Variants in WDTC1 observed in about 807,000 individuals in gnomAD.
WDTC1 encodes the protein WD and tetratricopeptide repeats protein 1.
Under a neutral mutation model 76.0 loss-of-function variants are expected in WDTC1, and 12 were observed. The ratio of observed to expected loss-of-function variants is 0.16; its 90% CI spans 0.10 to 0.26. The LOEUF (loss-of-function observed/expected upper bound fraction) is 0.26, where lower values mean the gene tolerates loss of function less well. WDTC1 is among the 10% of genes least tolerant of loss of function. The pLI, the probability that WDTC1 is intolerant of heterozygous loss-of-function variation, is 1.00. For missense variants in WDTC1, 511 were observed against 908.8 expected (o/e 0.56, Z 5.63); for synonymous variants, 326 against 350.8 (o/e 0.93, Z 0.79).
At chr1:27,246,568 CTT>C (rs200841889) in intron 1 of WDTC1, among the ~76,000 whole-genome samples, 9 of 144,254 alleles carry the variant, frequency 6.2e-5, no homozygotes, top group Non-Finnish European at 7.6e-5. Flanking sequence ...GTTTTCTTTC[CTT>C]TTTTTTTTTT....
chr1:27,247,801 C>T (rs1251907134), intron 1 of WDTC1, among the ~76,000 whole-genome samples: 1 of 151,536 alleles, frequency 6.6e-6, no homozygotes, highest in Non-Finnish European at 1.5e-5. Context: ...TCACTACAAC[C>T]TCTGCCTCCC....
intron 1 of WDTC1, among the ~76,000 whole-genome samples, chr1:27,254,136 GA>G (rs2012194202): frequency 6.6e-6 from 1 of 152,100 alleles, no homozygotes; most frequent in African/African-American, 2.4e-5. Context: ...AAAACAAAAT[GA>G]TTTTTTAAAA....
Position 27,303,921 on chromosome 1 carries a change from A to G in WDTC1, c.1643+126A>G. The G allele has an allele frequency of 2.3e-6, 3 of 1,310,452 alleles. No homozygotes were observed. The highest frequency in any genetic ancestry group is 3.2e-6 in the Non-Finnish European group (3 of 950,084). The allele number at this position is 1,310,452 out of a possible 1,614,324, so 81.2% of individuals were successfully genotyped here. ...GCTCTGCCTCTGTACCCTTGGGCAA[A>G]TGGCTTCACCTTTGTCAGCCTCTAA... On this transcript the variant is annotated intron_variant, in intron 14 of 15. Coordinates refer to ENST00000319394, the MANE Select transcript of WDTC1 (RefSeq NM_001276252.2). The surrounding 1 kb of genome is among the most constrained non-coding windows in gnomAD (Gnocchi z 4.8).
At chr1:27,253,448 C>CCTTCCTCTTCT (rs1392729718) in intron 1 of WDTC1, among the ~76,000 whole-genome samples, 1 of 122,198 alleles carries the variant, frequency 8.2e-6, no homozygotes, top group East Asian at 2.6e-4. Context: ...CCTTCCTCCT[C>CCTTCCTCTTCT]CTTCCTCTTC....
At chr1:27,296,511 T>C (rs1262652233) in intron 10 of WDTC1, 110 bp downstream of exon 10, 3 of 1,178,960 alleles carry the variant, frequency 2.5e-6, no homozygotes, top group Non-Finnish European at 2.5e-6. Flanking sequence ...CCTCCAAAAA[T>C]AGCAGATCTC....
At chr1:27,289,581 A>T (rs1313525029) in intron 6 of WDTC1, among the ~76,000 whole-genome samples, 1 of 151,716 alleles carries the variant, frequency 6.6e-6, no homozygotes, top group African/African-American at 2.4e-5. Context: ...CCCAGACGGG[A>T]TGGCGGCCAG....
intron 1 of WDTC1, among the ~76,000 whole-genome samples, chr1:27,253,007 ATTTTTTTTT>A (rs34743468): frequency 9.4e-6 from 1 of 106,444 alleles, no homozygotes; most frequent in Non-Finnish European, 2.0e-5. Context: ...GTTCTTTCTG[ATTTTTTTTT>A]TTTTTTTTTT....
chr1:27,254,662 T>C (rs1389819134), intron 1 of WDTC1, among the ~76,000 whole-genome samples: 1 of 152,052 alleles, frequency 6.6e-6, no homozygotes, highest in African/African-American at 2.4e-5. Flanking sequence ...AGACGGAGTT[T>C]CGCTCTGTCA....
rs1264498234 is a variant in WDTC1, at chr1:27,274,955, G to A, written c.133-7284G>A. On this transcript the variant is annotated intron_variant, in intron 3 of 15. Transcript: ENST00000319394. The surrounding 1 kb of genome is among the most constrained non-coding windows in gnomAD (Gnocchi z 4.2). ...GTAAAACTCAGCATTTCTAAGGTCA[G>A]ATAAGTGGTAGAAATAAGATTTAAA... 6.6e-6 allele frequency among the ~76,000 whole-genome samples: 1 copy of A among 152,184 alleles called. No homozygotes were observed. Among genetic ancestry groups the A allele is most frequent in the African/African-American group, 2.4e-5 (1 of 41,434 alleles).
intron 5 of WDTC1, among the ~76,000 whole-genome samples, chr1:27,286,233 C>T (rs927936879): frequency 1.3e-5 from 2 of 151,450 alleles, no homozygotes; most frequent in Non-Finnish European, 2.9e-5. Flanking sequence ...AAACTCCTGA[C>T]CTCAGGTAAT....
At chr1:27,249,266 C>CAA (rs71010343) in intron 1 of WDTC1, among the ~76,000 whole-genome samples, 377 of 140,122 alleles carry the variant, frequency 2.7e-3, no homozygotes, top group South Asian at 6.3e-3. Context: ...GAGACTGTCT[C>CAA]AAAAAAAAAA....
Position 27,242,470 on chromosome 1 carries a change from C to CT in WDTC1, c.-100+7529dup, listed in dbSNP as rs1207764622. ...TGGGGAACAGAGCTAGACCCTGTCT[C>CT]TTTTTTTTTTGAGACGGAGACGGAG... is the stretch of plus-strand genomic sequence containing the variant. On this transcript the variant is annotated intron_variant, in intron 1 of 15. Transcript: ENST00000319394. 1.5e-3 allele frequency among the ~76,000 whole-genome samples: 217 copies of CT among 148,842 alleles called. 1 individual carries two copies. The highest frequency in any genetic ancestry group is 2.8e-3 in the Admixed American group (41 of 14,898).
intron 1 of WDTC1, among the ~76,000 whole-genome samples, chr1:27,235,217 G>T (rs2011469034): frequency 1.3e-5 from 2 of 152,302 alleles, no homozygotes; most frequent in East Asian, 3.9e-4. Context: ...AGGCTCTGCG[G>T]AGGGAGAGGT....
At position 27,294,619 on chromosome 1, in the gene WDTC1, G is replaced by T. The variant is rs773396139; in HGVS notation, c.863G>T (p.Gly288Val). The part of the protein sequence containing the change: ...PNGTELLVNM[G>V]GEQVYLFDLT... ...GGCACAGAGCTACTAGTCAACATGG[G>T]GGGGGAACAGGTATGTACAGCATAA... The change falls in exon 9 of 16, where the codon GGG becomes GTG. Residue 288 changes from glycine (G) to valine (V), a missense_variant. Transcript: ENST00000319394. 6.2e-7 allele frequency: 1 copy of T among 1,613,828 alleles called. No individual in the cohort carries two copies. Among genetic ancestry groups the T allele is most frequent in the Non-Finnish European group, 8.5e-7 (1 of 1,179,888 alleles).
intron 7 of WDTC1, among the ~76,000 whole-genome samples, chr1:27,293,081 T>C (rs1048808887): frequency 6.6e-6 from 1 of 151,888 alleles, no homozygotes; most frequent in Non-Finnish European, 1.5e-5. Context: ...AAATGGACTT[T>C]CTTCAATTTT....
At chr1:27,299,299 T>C (rs2013774016) in intron 12 of WDTC1, among the ~76,000 whole-genome samples, 1 of 152,080 alleles carries the variant, frequency 6.6e-6, no homozygotes, top group Non-Finnish European at 1.5e-5. Flanking sequence ...AGACAGTGGG[T>C]AAAGTGGTGG....
intron 3 of WDTC1, among the ~76,000 whole-genome samples, chr1:27,272,106 C>T (rs533598944): frequency 1.8e-4 from 28 of 151,524 alleles, no homozygotes; most frequent in South Asian, 4.2e-4. Context: ...ATTAGCCGTG[C>T]GAGGTGGTGC....
In WDTC1 at chr1:27,262,984, ATTC is replaced by A. The variant is rs1205687446; in HGVS notation, c.49-163_49-161del. Among the ~76,000 whole-genome samples, 10 of 152,094 alleles carry A rather than the reference ATTC, an allele frequency of 6.6e-5. 1 individual carries two copies. Among genetic ancestry groups the A allele is most frequent in the African/African-American group, 2.2e-4 (9 of 41,504 alleles). On this transcript the variant is annotated intron_variant, in intron 2 of 15. Transcript: ENST00000319394. Reference sequence around the variant, plus strand: ...GCTTAATTATATACTACTGTCTTCTATTCTTCTCTAATCCTTGCCCCAGAATAA... The same window carrying A: ...GCTTAATTATATACTACTGTCTTCTATTCTCTAATCCTTGCCCCAGAATAA...
chr1:27,290,684 C>T (rs1433546905), intron 6 of WDTC1, among the ~76,000 whole-genome samples: 2 of 152,196 alleles, frequency 1.3e-5, no homozygotes, highest in African/African-American at 4.8e-5. Context: ...TGTCGTTGCC[C>T]TTCTTTAACT....
Sources: allele counts gnomAD v4.1 joint callset (sites outside exome capture counted in the v4.1 genomes callset), GRCh38; gene constraint gnomAD v4.1.1; non-coding constraint Gnocchi (gnomAD v3.1); transcripts MANE v1.5; gene names NCBI Gene and HGNC (gene_info 2026-07-23, HGNC 2026-07-21).